Variants in SLIT2 observed in about 807,000 individuals in gnomAD.
The protein encoded by SLIT2 is slit guidance ligand 2.
In SLIT2, 41 loss-of-function variants were observed where a neutral mutation model predicts 185.7. That is an observed-to-expected ratio of 0.22 (90% CI 0.17 to 0.29). The LOEUF is 0.29. Among genes scored for constraint, SLIT2 ranks in the 10% least tolerant of loss-of-function variants. The probability of loss-of-function intolerance (pLI) is 1.00; values close to 1 mark genes in which losing one functional copy is unlikely to be tolerated. For missense variants in SLIT2, 1,571 were observed against 1,909.0 expected, an observed-to-expected ratio of 0.82 and a Z score of 3.30; for synonymous variants, 693 against 680.2, an observed-to-expected ratio of 1.02 and a Z score of -0.29.
chr4:20,344,634 T>A (rs1721232635), intron 4 of SLIT2, among the ~76,000 whole-genome samples: 1 of 152,172 alleles, frequency 6.6e-6, no homozygotes, highest in Admixed American at 6.5e-5. Context: ...ATGATTTGTA[T>A]CCTTTTTCTG....
At chr4:20,453,792 G>C (rs2148718038) in intron 4 of SLIT2, among the ~76,000 whole-genome samples, 1 of 152,296 alleles carries the variant, frequency 6.6e-6, no homozygotes. Context: ...ATTCTATGCT[G>C]AGCACTTCAC....
intron 24 of SLIT2, among the ~76,000 whole-genome samples, chr4:20,549,748 A>AAT (rs936343906): frequency 1.3e-5 from 2 of 151,506 alleles, no homozygotes; most frequent in African/African-American, 2.4e-5. Context: ...TATGAATAAA[A>AAT]ATATATATAT....
At chr4:20,428,851 T>A (rs1728754027) in intron 4 of SLIT2, among the ~76,000 whole-genome samples, 1 of 152,228 alleles carries the variant, frequency 6.6e-6, no homozygotes, top group Non-Finnish European at 1.5e-5. Context: ...TAAAGTGGCA[T>A]CTGTCCTGCT....
At chr4:20,489,722 T>G (rs1012560593) in intron 8 of SLIT2, among the ~76,000 whole-genome samples, 1 of 151,898 alleles carries the variant, frequency 6.6e-6, no homozygotes, top group Non-Finnish European at 1.5e-5. Flanking sequence ...AGGCGGAGAT[T>G]GCAGTGAGCT....
rs146218545 is a variant in SLIT2, at chr4:20,396,537, A to C, written c.396-71215A>C. 2.2e-3 allele frequency among the ~76,000 whole-genome samples: 332 copies of C among 151,864 alleles called. 1 individual carries two copies. Among genetic ancestry groups the C allele is most frequent in the African/African-American group, 7.4e-3 (308 of 41,482 alleles). On this transcript the variant is annotated intron_variant, in intron 4 of 36. Coordinates refer to ENST00000504154, the MANE Select transcript of SLIT2 (RefSeq NM_004787.4). ...TGTTGTTATTACCAGAAAGGTTGAT[A>C]ATTTGCAAAATAAGTACAGATAAGT...
rs1010119608 is a variant in SLIT2, at chr4:20,470,289, A to G, written c.467+2466A>G. Reference sequence around the variant, plus strand: ...AATATTGACTAGAAATGACTATTCTATTGTGGGTCATTTTGACATGAAGTT... The same window carrying G: ...AATATTGACTAGAAATGACTATTCTGTTGTGGGTCATTTTGACATGAAGTT... On this transcript the variant is annotated intron_variant, in intron 5 of 36. Coordinates refer to ENST00000504154, the MANE Select transcript of SLIT2 (RefSeq NM_004787.4). 6.6e-5 allele frequency among the ~76,000 whole-genome samples: 10 copies of G among 152,168 alleles called. 1 individual carries two copies. In the East Asian group the frequency reaches 1.9e-3, roughly 29 times the overall value.
rs1175907591 is a variant in SLIT2, at chr4:20,291,447, CATATATATATATATATATATATAT to C, written c.395+22589_395+22612del. On this transcript the variant is annotated intron_variant, in intron 4 of 36. Transcript: ENST00000504154. ...TGGTATGTCTGCTCCTAAGAAACCTCATATATATATATATATATATATATATATATATATATATATATATATTTT... is the reference window on the plus strand; with the variant it reads ...TGGTATGTCTGCTCCTAAGAAACCTCATATATATATATATATATATATTTT... Among the ~76,000 whole-genome samples, 131 of 50,254 alleles carry C rather than the reference CATATATATATATATATATATATAT, an allele frequency of 2.6e-3. 2 individuals carry two copies. The highest frequency in any genetic ancestry group is 7.2e-3 in the African/African-American group (96 of 13,290). The allele number at this position is 50,254 out of a possible 152,430, so 33.0% of individuals were successfully genotyped here. A position where few individuals can be genotyped will look rare whatever the true frequency, so the allele number is the denominator to read the frequency against.
At chr4:20,506,038 C>T (rs189654764) in intron 9 of SLIT2, among the ~76,000 whole-genome samples, 1 of 152,072 alleles carries the variant, frequency 6.6e-6, no homozygotes, top group African/African-American at 2.4e-5. Flanking sequence ...CTAAAATTTC[C>T]TTCTACATTT....
At chr4:20,448,302 A>T (rs1247326570) in intron 4 of SLIT2, among the ~76,000 whole-genome samples, 7 of 151,904 alleles carry the variant, frequency 4.6e-5, no homozygotes, top group Non-Finnish European at 5.9e-5. Context: ...ATTATTATTT[A>T]TGAGTTTATT....
At chr4:20,355,561 C>T (rs1722250458) in intron 4 of SLIT2, among the ~76,000 whole-genome samples, 1 of 152,114 alleles carries the variant, frequency 6.6e-6, no homozygotes, top group African/African-American at 2.4e-5. Context: ...GGAAAGCTTA[C>T]ATTTTAAATG....
intron 4 of SLIT2, among the ~76,000 whole-genome samples, chr4:20,274,093 G>A (rs180807203): frequency 7.2e-5 from 11 of 152,276 alleles, no homozygotes; most frequent in Non-Finnish European, 1.6e-4. Context: ...CGAAGGTGGC[G>A]TCTGTGTTCT....
intron 33 of SLIT2, among the ~76,000 whole-genome samples, chr4:20,599,194 T>TAATG (rs1399693525): frequency 6.6e-6 from 1 of 152,200 alleles, no homozygotes; most frequent in Non-Finnish European, 1.5e-5. Flanking sequence ...TTCTAATGAT[T>TAATG]AATGATATTA....
At chr4:20,274,530 T>C (rs1019017971) in intron 4 of SLIT2, among the ~76,000 whole-genome samples, 1 of 152,126 alleles carries the variant, frequency 6.6e-6, no homozygotes, top group African/African-American at 2.4e-5. Flanking sequence ...CTAAATCCAA[T>C]GAAGATTAAG....
intron 4 of SLIT2, among the ~76,000 whole-genome samples, chr4:20,349,957 T>TCA (rs1398563315): frequency 6.6e-6 from 1 of 152,226 alleles, no homozygotes; most frequent in African/African-American, 2.4e-5. Context: ...GATCTGAATC[T>TCA]GTATAAGTAA....
chr4:20,516,319 T>A lies in SLIT2; in HGVS notation c.1059-3063T>A, dbSNP rs576539367. Among the ~76,000 whole-genome samples, 3 of 152,324 alleles carry A rather than the reference T, an allele frequency of 2.0e-5. No homozygotes were observed. The South Asian group carries it at 6.2e-4, about 32-fold the overall frequency. On this transcript the variant is annotated intron_variant, in intron 11 of 36. Coordinates refer to ENST00000504154, the MANE Select transcript of SLIT2 (RefSeq NM_004787.4). ...AACAACAACAACAAAAAAATCTCTA[T>A]CAGAGTATATGTATATTGTACACAT...
intron 9 of SLIT2, among the ~76,000 whole-genome samples, chr4:20,493,570 T>C (rs1280998309): frequency 6.6e-6 from 1 of 152,144 alleles, no homozygotes; most frequent in African/African-American, 2.4e-5. Context: ...ACAAAGGGCA[T>C]GAAGTTGAGG....
At chr4:20,416,836 A>G (rs1727728573) in intron 4 of SLIT2, among the ~76,000 whole-genome samples, 2 of 152,240 alleles carry the variant, frequency 1.3e-5, no homozygotes, top group Admixed American at 6.5e-5. Context: ...ATTAGCCTCA[A>G]TTGGAAAAAT....
At chr4:20,539,016 T>TA (rs1722566813) in intron 18 of SLIT2, among the ~76,000 whole-genome samples, 1 of 152,210 alleles carries the variant, frequency 6.6e-6, no homozygotes, top group Non-Finnish European at 1.5e-5. Flanking sequence ...GTTCTTCATC[T>TA]GCAGTGGCTA....
chr4:20,319,925 A>G (rs1718917461), intron 4 of SLIT2, among the ~76,000 whole-genome samples: 2 of 152,132 alleles, frequency 1.3e-5, no homozygotes, highest in Admixed American at 1.3e-4. Flanking sequence ...CTTGTCTCTC[A>G]GCAAGAAAAA....
Sources: gnomAD v4.1 joint callset for allele counts (sites outside exome capture counted in the v4.1 genomes callset) on GRCh38, gnomAD v4.1.1 for gene constraint, MANE v1.5 for transcripts, NCBI Gene and HGNC (gene_info 2026-07-23, HGNC 2026-07-21) for gene names.